TRMT11: variants seen among roughly 807,000 people sequenced by gnomAD.
The protein encoded by TRMT11 is tRNA methyltransferase 11, also known as tRNA (guanine(10)-N(2))-methyltransferase TRMT11.
TRMT11 carries 53 observed loss-of-function variants against 62.8 expected under a neutral mutation model. The ratio of observed to expected loss-of-function variants is 0.84; its 90% CI spans 0.68 to 1.06. TRMT11 has a LOEUF of 1.06. TRMT11 is among the 50% of genes least tolerant of loss of function. The pLI, the probability that TRMT11 is intolerant of heterozygous loss-of-function variation, is 0.00. For missense variants in TRMT11, 556 were observed against 553.4 expected (o/e 1.00, Z -0.05); for synonymous variants, 188 against 190.3 (o/e 0.99, Z 0.10).
intron 17 of TRMT11, among the ~76,000 whole-genome samples, chr6:126,066,743 A>G (rs1464637639): frequency 6.6e-6 from 1 of 152,046 alleles, no homozygotes; most frequent in African/African-American, 2.4e-5. Context: ...GAATTGTTAC[A>G]CTTGTCCTGA....
chr6:126,151,905 C>CTCTTTCTTTCTTTCTTTCTTTCTT (rs66890632), intron 21 of TRMT11, among the ~76,000 whole-genome samples: 1,498 of 80,312 alleles, frequency 0.019, 94 homozygotes, highest in East Asian at 0.026. Flanking sequence ...TCTTTCTTTT[C>CTCTTTCTTTCTTTCTTTCTTTCTT]TCTTTCTTTC....
At chr6:126,055,724 G>A (rs557864013) in intron 17 of TRMT11, among the ~76,000 whole-genome samples, 6 of 151,976 alleles carry the variant, frequency 3.9e-5, no homozygotes, top group East Asian at 3.9e-4. Context: ...GACTAAACCC[G>A]TTTCTTTGTT....
At chr6:126,209,653 G>A in the TRMT11 span, among the ~76,000 whole-genome samples, 1 of 152,068 alleles carries the variant, frequency 6.6e-6, no homozygotes, top group African/African-American at 2.4e-5. Context: ...GTGAACTTGG[G>A]AGGCGGAGCT....
chr6:126,014,122 C>T (rs557759035), intron 11 of TRMT11, among the ~76,000 whole-genome samples: 11 of 152,210 alleles, frequency 7.2e-5, no homozygotes, highest in Middle Eastern at 3.4e-3. Flanking sequence ...AAAGACAAGA[C>T]GTTTGAACAA....
chr6:126,165,750 A>T (rs934768659), intron 21 of TRMT11, among the ~76,000 whole-genome samples: 1 of 152,028 alleles, frequency 6.6e-6, no homozygotes, highest in African/African-American at 2.4e-5. Context: ...GAATCTGATG[A>T]TTATGTGTCT....
intron 7 of TRMT11, among the ~76,000 whole-genome samples, 155 bp from the exon 8 acceptor site, chr6:126,008,237 T>G (rs1793655199): frequency 2.6e-5 from 4 of 152,084 alleles, no homozygotes; most frequent in Admixed American, 2.0e-4. Context: ...AGGGGTTTGT[T>G]TTTTCAGTCC....
intron 12 of TRMT11, among the ~76,000 whole-genome samples, chr6:126,037,538 T>A (rs1257601179): frequency 6.6e-6 from 1 of 152,074 alleles, no homozygotes; most frequent in Non-Finnish European, 1.5e-5. Flanking sequence ...TATACTTGGG[T>A]GCCATAAAAT....
At chr6:126,211,053 A>G in the TRMT11 span, among the ~76,000 whole-genome samples, 2 of 150,648 alleles carry the variant, frequency 1.3e-5, no homozygotes, top group Non-Finnish European at 2.9e-5. Flanking sequence ...TATTCACGTG[A>G]ATTTTCCAAG....
the TRMT11 span, among the ~76,000 whole-genome samples, chr6:126,250,333 G>A: frequency 1.3e-5 from 2 of 152,208 alleles, no homozygotes; most frequent in South Asian, 2.1e-4. Context: ...GGGGCAGCAG[G>A]TATGAATATA....
the TRMT11 span, among the ~76,000 whole-genome samples, chr6:126,254,601 C>T: frequency 1.3e-5 from 2 of 152,328 alleles, no homozygotes; most frequent in South Asian, 4.1e-4. Flanking sequence ...AATTTAAGGA[C>T]ATCACTTCTT....
chr6:126,155,942 G>A (rs772436352), intron 21 of TRMT11, among the ~76,000 whole-genome samples: 4 of 152,030 alleles, frequency 2.6e-5, no homozygotes, highest in Non-Finnish European at 5.9e-5. Flanking sequence ...TAGCCAGGAT[G>A]GTCTCAATCT....
chr6:126,153,213 A>T (rs1445429424), intron 21 of TRMT11, among the ~76,000 whole-genome samples: 1 of 152,258 alleles, frequency 6.6e-6, no homozygotes, highest in Non-Finnish European at 1.5e-5. Context: ...GACATAATTT[A>T]TACAGACATT....
chr6:126,041,028 T>G (rs1325987639), downstream of TRMT11, among the ~76,000 whole-genome samples: 1 of 152,138 alleles, frequency 6.6e-6, no homozygotes, highest in African/African-American at 2.4e-5. Flanking sequence ...ACTAACTCTT[T>G]AAATACAAGG....
At chr6:126,264,440 A>G in the TRMT11 span, among the ~76,000 whole-genome samples, 3 of 152,184 alleles carry the variant, frequency 2.0e-5, no homozygotes, top group African/African-American at 4.8e-5. Context: ...TTATTCTACA[A>G]ATTTCACAAG....
At chr6:126,259,584 C>T in the TRMT11 span, among the ~76,000 whole-genome samples, 1 of 152,164 alleles carries the variant, frequency 6.6e-6, no homozygotes, top group South Asian at 2.1e-4. Flanking sequence ...CTGCAATGAA[C>T]GTATGTGTGC....
At chr6:126,196,295 T>A (rs1778665895) in intron 1 of TRMT11, among the ~76,000 whole-genome samples, 1 of 152,146 alleles carries the variant, frequency 6.6e-6, no homozygotes, top group Admixed American at 6.5e-5. Flanking sequence ...AGTTCTCATT[T>A]CCCACCTCTT....
the TRMT11 span, among the ~76,000 whole-genome samples, chr6:126,212,376 A>G: frequency 6.6e-6 from 1 of 152,110 alleles, no homozygotes; most frequent in Non-Finnish European, 1.5e-5. Context: ...GTACTAATTT[A>G]CATTTCCTCC....
the TRMT11 span, among the ~76,000 whole-genome samples, chr6:126,231,341 G>A: frequency 6.6e-6 from 1 of 152,062 alleles, no homozygotes; most frequent in Admixed American, 6.6e-5. Flanking sequence ...TATTGGAAAA[G>A]TTTTTGGAGA....
At chr6:125,997,607 A>G (rs1412593848) in intron 3 of TRMT11, among the ~76,000 whole-genome samples, 1 of 152,226 alleles carries the variant, frequency 6.6e-6, no homozygotes, top group African/African-American at 2.4e-5. Context: ...TCCAGGGCTC[A>G]GGTGATCCTC....
Sources: allele counts gnomAD v4.1 joint callset (sites outside exome capture counted in the v4.1 genomes callset), GRCh38; gene constraint gnomAD v4.1.1; transcripts MANE v1.5; gene names NCBI Gene and HGNC (gene_info 2026-07-23, HGNC 2026-07-21).